The following MTAP variants were observed in gnomAD, a reference collection of about 807,000 sequenced individuals.
MTAP encodes S-methyl-5'-thioadenosine phosphorylase.
MTAP carries 33 observed loss-of-function variants against 33.6 expected under a neutral mutation model. The observed-to-expected ratio is 0.98, with a 90% CI of 0.74 to 1.31. The LOEUF is 1.31. MTAP is among the 40% of genes most tolerant of loss of function. The pLI, the probability that MTAP is intolerant of heterozygous loss-of-function variation, is 0.00. For missense variants in MTAP, 367 were observed against 360.0 expected (o/e 1.02, Z -0.16); for synonymous variants, 148 against 125.7 (o/e 1.18, Z -1.19).
chr9:21,821,052 A>G (rs1171172820), intron 4 of MTAP, among the ~76,000 whole-genome samples: 3 of 152,228 alleles, frequency 2.0e-5, no homozygotes, highest in African/African-American at 7.2e-5. Flanking sequence ...TTCTAAATAT[A>G]CAGTCATGTC....
intron 1 of MTAP, among the ~76,000 whole-genome samples, chr9:21,873,990 T>C (rs1403737562): frequency 6.6e-6 from 1 of 152,136 alleles, no homozygotes; most frequent in East Asian, 1.9e-4. Context: ...GTGCCCTCAG[T>C]TTTATAGATG....
intron 1 of MTAP, among the ~76,000 whole-genome samples, chr9:21,904,148 G>A (rs1277261985): frequency 3.3e-5 from 5 of 152,174 alleles, no homozygotes; most frequent in Non-Finnish European, 7.3e-5. Context: ...CTGCTGGTCA[G>A]TGGCCTGCCA....
chr9:21,805,272 T>A (rs1824181354), intron 1 of MTAP, among the ~76,000 whole-genome samples: 1 of 152,238 alleles, frequency 6.6e-6, no homozygotes, highest in Non-Finnish European at 1.5e-5. Context: ...AGTGAAAGAT[T>A]CCACTGAGTT....
intron 5 of MTAP, among the ~76,000 whole-genome samples, chr9:21,841,402 A>G (rs750258419): frequency 1.3e-5 from 2 of 152,244 alleles, no homozygotes; most frequent in African/African-American, 2.4e-5. Flanking sequence ...ACTGCCTGCA[A>G]CATCCTGGCT....
intron 1 of MTAP, among the ~76,000 whole-genome samples, chr9:21,814,050 G>T (rs1399657158): frequency 6.6e-6 from 1 of 152,160 alleles, no homozygotes; most frequent in Non-Finnish European, 1.5e-5. Flanking sequence ...CCACAAGATG[G>T]CGCCAACATC....
intron 6 of MTAP, among the ~76,000 whole-genome samples, chr9:21,857,305 T>G (rs1434150444): frequency 6.6e-6 from 1 of 152,210 alleles, no homozygotes; most frequent in Non-Finnish European, 1.5e-5. Context: ...AAGACTCAGC[T>G]TAAAACATAT....
chr9:21,930,327 G>A (rs1818937116), intron 1 of MTAP: 2 of 211,316 alleles, frequency 9.5e-6, no homozygotes, highest in East Asian at 2.6e-4. Context: ...ATCTCTACTT[G>A]TCTTAAAACC....
intron 4 of MTAP, among the ~76,000 whole-genome samples, chr9:21,831,787 T>C (rs1416007367): frequency 1.4e-5 from 1 of 70,048 alleles, no homozygotes; most frequent in Non-Finnish European, 4.4e-5. Flanking sequence ...AGATATTGAT[T>C]TTTTTTTTTT....
downstream of MTAP, among the ~76,000 whole-genome samples, chr9:21,868,129 G>A (rs928458632): frequency 2.0e-5 from 3 of 152,236 alleles, no homozygotes; most frequent in East Asian, 1.9e-4. Flanking sequence ...GACTTAAACT[G>A]TCTACTTCAT....
chr9:21,860,186 CCA>C (rs1825725348), intron 7 of MTAP: 1 of 152,156 alleles, frequency 6.6e-6, no homozygotes, highest in South Asian at 2.1e-4. Context: ...AATGAGAGAG[CCA>C]CAGTTTTAGT....
rs767524999 is a variant in MTAP at position 21,863,893 on chromosome 9, A to G, written c.*1879A>G. 1.2e-4 allele frequency: 119 copies of G among 985,724 alleles called. No homozygotes were observed. Among genetic ancestry groups the G allele is most frequent in the South Asian group, 1.9e-4 (4 of 21,294 alleles). The allele number at this position is 985,724 out of a possible 1,614,324, so 61.1% of individuals were successfully genotyped here. A position where few individuals can be genotyped will look rare whatever the true frequency, so the allele number is the denominator to read the frequency against. ...TCATTAGTGTGAGCCATTTGGGTCA[A>G]GTATGATTATGACCCTTGGACTTCC... On this transcript the variant is annotated 3_prime_UTR_variant, in exon 8 of 8. Transcript: ENST00000644715.
chr9:21,835,397 G>T (rs761763362), intron 4 of MTAP, among the ~76,000 whole-genome samples: 2 of 152,084 alleles, frequency 1.3e-5, no homozygotes, highest in Admixed American at 1.3e-4. Flanking sequence ...CGAATCCAGG[G>T]ACAAAACTAT....
At chr9:21,931,073 C>T in exon 2 of MTAP, 3 of 764,334 alleles carry the variant, frequency 3.9e-6, no homozygotes, top group Non-Finnish European at 7.2e-6. Flanking sequence ...AGTCACCCTT[C>T]TACAGAGGAC....
intron 6 of MTAP, chr9:21,856,028 G>T (rs1031265402): frequency 5.0e-5 from 15 of 300,158 alleles, no homozygotes; most frequent in African/African-American, 3.2e-4. Context: ...CAATCCATAT[G>T]TTGTATTTTA....
chr9:21,911,096 A>G (rs1360723198), intron 1 of MTAP, among the ~76,000 whole-genome samples: 6 of 152,186 alleles, frequency 3.9e-5, no homozygotes, highest in Non-Finnish European at 2.9e-5. Flanking sequence ...CTAAATATAT[A>G]TGCACCCAAT....
At chr9:21,905,766 T>G (rs1041991444) in intron 1 of MTAP, among the ~76,000 whole-genome samples, 1 of 152,154 alleles carries the variant, frequency 6.6e-6, no homozygotes, top group Non-Finnish European at 1.5e-5. Context: ...CAAGACTTTC[T>G]GAGACTAAGA....
intron 4 of MTAP, among the ~76,000 whole-genome samples, chr9:21,820,072 T>A (rs1278944548): frequency 1.3e-5 from 2 of 152,190 alleles, no homozygotes; most frequent in Non-Finnish European, 2.9e-5. Context: ...GTTGCAAAAA[T>A]TTTCTCCCAT....
At chr9:21,923,124 G>A (rs994171929) in intron 1 of MTAP, among the ~76,000 whole-genome samples, 4 of 152,184 alleles carry the variant, frequency 2.6e-5, no homozygotes, top group East Asian at 1.9e-4. Flanking sequence ...CCTGTTATTC[G>A]TTCACCCATG....
At chr9:21,806,843 C>T (rs1824220647) in intron 1 of MTAP, among the ~76,000 whole-genome samples, 1 of 152,136 alleles carries the variant, frequency 6.6e-6, no homozygotes, top group Non-Finnish European at 1.5e-5. Flanking sequence ...CCCTGGGCAG[C>T]CTCCCAGCTT....
Sources: allele counts gnomAD v4.1 joint callset (sites outside exome capture counted in the v4.1 genomes callset), GRCh38; gene constraint gnomAD v4.1.1; transcripts MANE v1.5; gene names NCBI Gene and HGNC (gene_info 2026-07-23, HGNC 2026-07-21).